ATAD3B: variants seen among roughly 807,000 people sequenced by gnomAD.
The protein encoded by ATAD3B is ATPase family AAA domain-containing protein 3B.
A neutral mutation model predicts 70.2 loss-of-function variants in ATAD3B; 59 were observed. That is an observed-to-expected ratio of 0.84 (90% confidence interval 0.68 to 1.04). The LOEUF (loss-of-function observed/expected upper bound fraction) is 1.04, where lower values mean the gene tolerates loss of function less well. Ranked by LOEUF, ATAD3B falls within the 50% of genes least tolerant of loss-of-function variation. ATAD3B has a pLI of 0.00. For synonymous variants in ATAD3B, 423 were observed against 388.6 expected, an observed-to-expected ratio of 1.09 and a Z score of -1.04; for missense variants, 961 against 913.4, an observed-to-expected ratio of 1.05 and a Z score of -0.67.
rs1191986722 is a variant in ATAD3B, at chr1:1,479,203, C to T, written c.444+95C>T. The T allele has an allele frequency of 1.8e-5, 25 of 1,423,032 alleles. 2 individuals carry two copies. In the Middle Eastern group the frequency reaches 1.7e-3, roughly 97 times the overall value. The allele number at this position is 1,423,032 out of a possible 1,614,324, so 88.2% of individuals were successfully genotyped here. A position where few individuals can be genotyped will look rare whatever the true frequency, so the allele number is the denominator to read the frequency against. ...TGGGTCAGAGGCCACGGGGCAAGAA[C>T]GATGGGGTTGCTGACGGTGGGTGCT... On this transcript the variant is annotated intron_variant, in intron 4 of 15. Coordinates refer to ENST00000673477, the MANE Select transcript of ATAD3B (RefSeq NM_031921.6).
chr1:1,495,377 T>C (rs1640729528), intron 15 of ATAD3B, 108 bp from the exon 16 acceptor site: 1 of 1,418,538 alleles, frequency 7.0e-7, no homozygotes, highest in African/African-American at 1.4e-5. Context: ...CACCCTGAGG[T>C]TGTCCTGGTG....
At chr1:1,486,347 T>C (rs138964794) in intron 10 of ATAD3B, 112 bp downstream of exon 10, 27,104 of 1,590,350 alleles carry the variant, frequency 0.017, 1,068 homozygotes, top group African/African-American at 0.13. Flanking sequence ...GGCCTTTGCC[T>C]ACCCTCGTGT....
chr1:1,489,604 A>C (rs1640420269), intron 13 of ATAD3B: 1 of 1,251,160 alleles, frequency 8.0e-7, no homozygotes, highest in African/African-American at 1.5e-5. Context: ...AGAGGTCCCC[A>C]GTAGGGTGAC....
downstream of ATAD3B, among the ~76,000 whole-genome samples, chr1:1,500,708 C>G (rs1170819972): frequency 1.3e-5 from 2 of 151,584 alleles, no homozygotes; most frequent in African/African-American, 4.9e-5. Context: ...AATCCCAGCA[C>G]TTTGGGAGGC....
chr1:1,504,869 C>T, the ATAD3B span, among the ~76,000 whole-genome samples: 2 of 152,134 alleles, frequency 1.3e-5, no homozygotes, highest in African/African-American at 4.8e-5. Context: ...TCATCCTGCA[C>T]TGCTCACAGT....
chr1:1,496,028 AGGGG>A lies in ATAD3B; in HGVS notation c.*215_*218del. 1 of 1,328,856 alleles carries A rather than the reference AGGGG, an allele frequency of 7.5e-7. No individual in the cohort carries two copies. The highest frequency in any genetic ancestry group is 9.6e-7 in the Non-Finnish European group (1 of 1,040,214). 82.3% of individuals were successfully genotyped at this position (1,328,856 alleles called of 1,614,324 possible). A position where few individuals can be genotyped will look rare whatever the true frequency, so the allele number is the denominator to read the frequency against. ...TCGGCTCCCACAGCAGAGCCAGGTG[AGGGG>A]GGGCCTGCCAGGACTAGACAGAAGT... On this transcript the variant is annotated 3_prime_UTR_variant, in exon 16 of 16. Transcript: ENST00000673477.
chr1:1,486,151 C>T lies in ATAD3B; in HGVS notation c.1005C>T (p.Thr335=), dbSNP rs819976. The T allele has an allele frequency of 3.7e-6, 6 of 1,612,820 alleles. No homozygotes were observed. Among genetic ancestry groups the T allele is most frequent in the South Asian group, 3.3e-5 (3 of 91,008 alleles). Reference sequence around the variant, plus strand: ...GGGTGCGCGACATCGCCATAGCAACCAGGAACACCAAGAAGAACCGGGGCC... The same window carrying T: ...GGGTGCGCGACATCGCCATAGCAACTAGGAACACCAAGAAGAACCGGGGCC... ...EARVRDIAIA[T]RNTKKNRGLY... is the part of the protein sequence containing the mutation. Residue 335 remains threonine, a synonymous_variant, in exon 10 of 16, where the codon ACC becomes ACT. Transcript: ENST00000673477.
intron 15 of ATAD3B, among the ~76,000 whole-genome samples, chr1:1,494,014 A>G (rs1431843367): frequency 1.3e-5 from 2 of 152,008 alleles, no homozygotes; most frequent in Non-Finnish European, 2.9e-5. Context: ...TTGTGAATTC[A>G]CATGTGAAGA....
rs528040472 is a variant in ATAD3B at position 1,497,674 on chromosome 1, G to A, written c.*1857G>A. ...GAGGTCAGGAGTTTGAGACCATCCT[G>A]GCTAACGTGGCAAAACCCCGTCTCT... On this transcript the variant is annotated 3_prime_UTR_variant, in exon 16 of 16. Transcript: ENST00000673477. 1.4e-4 allele frequency: 22 copies of A among 151,730 alleles called. No individual in the cohort carries two copies. Among genetic ancestry groups the A allele is most frequent in the Admixed American group, 1.1e-3 (17 of 15,218 alleles). 9.4% of individuals were successfully genotyped at this position (151,730 alleles called of 1,614,324 possible).
In ATAD3B at chr1:1,471,848, G is replaced by A; in HGVS notation, c.-37G>A. The A allele has an allele frequency of 7.9e-7, 1 of 1,269,748 alleles. No individual in the cohort carries two copies. 78.7% of individuals were successfully genotyped at this position (1,269,748 alleles called of 1,614,324 possible). A position where few individuals can be genotyped will look rare whatever the true frequency, so the allele number is the denominator to read the frequency against. Reference sequence around the variant, plus strand: ...CCGCGCCCGAGTCAGACTCGGGTGGGGGTCCCGGCGGCGGTAGCGGCGGCG... The same window carrying A: ...CCGCGCCCGAGTCAGACTCGGGTGGAGGTCCCGGCGGCGGTAGCGGCGGCG... On this transcript the variant is annotated 5_prime_UTR_variant, in exon 1 of 16. Coordinates refer to ENST00000673477, the MANE Select transcript of ATAD3B (RefSeq NM_031921.6).
intron 13 of ATAD3B, chr1:1,489,551 C>T (rs1455260735): frequency 2.6e-5 from 26 of 999,218 alleles, no homozygotes; most frequent in Non-Finnish European, 3.3e-5. Flanking sequence ...TAGATTTCTG[C>T]GGTCCTGTGC....
At chr1:1,486,911 G>A (rs1640250843) in intron 11 of ATAD3B, among the ~76,000 whole-genome samples, 1 of 150,956 alleles carries the variant, frequency 6.6e-6, no homozygotes, top group South Asian at 2.1e-4. Context: ...GCAGAAGGGA[G>A]GTGGGTGGGT....
chr1:1,489,135 G>A lies in ATAD3B; in HGVS notation c.1267-69G>A, dbSNP rs769889508. The A allele has an allele frequency of 1.4e-4, 224 of 1,608,260 alleles. 2 individuals are homozygous for A. Among genetic ancestry groups the A allele is most frequent in the Non-Finnish European group, 1.9e-4 (221 of 1,175,600 alleles). On this transcript the variant is annotated intron_variant, in intron 12 of 15. Transcript: ENST00000673477. ...GCTCCCTGCAGGAGGGAGGCCTGTGGGACTTTCTGCTCTGGCTGTTTACAA... is the reference window on the plus strand; with the variant it reads ...GCTCCCTGCAGGAGGGAGGCCTGTGAGACTTTCTGCTCTGGCTGTTTACAA...
the ATAD3B span, among the ~76,000 whole-genome samples, chr1:1,504,343 T>G: frequency 3.3e-5 from 5 of 152,054 alleles, no homozygotes; most frequent in East Asian, 9.8e-4. Flanking sequence ...TTGTGGGCAT[T>G]GTAGCTTAAA....
In ATAD3B at chr1:1,489,221, C is replaced by T; in HGVS notation, c.1284C>T (p.Asp428=). ...RKRATEEISK[D]LRATLNAFLY... ...CTCTGCAGGAGGAGATAAGCAAGGA[C>T]CTCAGAGCCACACTGAACGCCTTCC... is the stretch of plus-strand genomic sequence containing the variant. Residue 428 remains aspartate (D), a synonymous_variant, in exon 13 of 16, where the codon GAC becomes GAT. Transcript: ENST00000673477. 3 of 1,613,568 alleles carry T rather than the reference C, an allele frequency of 1.9e-6. No homozygotes were observed. The highest frequency in any genetic ancestry group is 2.5e-6 in the Non-Finnish European group (3 of 1,179,632).
chr1:1,492,080 G>A (rs867376045), intron 15 of ATAD3B, among the ~76,000 whole-genome samples: 2 of 152,104 alleles, frequency 1.3e-5, no homozygotes, highest in South Asian at 2.1e-4. Context: ...CAGCTGCTTG[G>A]GAGGCTGAGG....
chr1:1,495,527 AT>A lies in ATAD3B; in HGVS notation c.1658del (p.Met553ArgfsTer20). On this transcript the variant is annotated frameshift_variant, in exon 16 of 16. Transcript: ENST00000673477. LOFTEE classifies it low-confidence loss of function (END_TRUNC). ...ASKDGVLTEA[M>X]MDACVQDAVQ... ...CAAGGACGGGGTCCTCACTGAGGCC[AT>A]GATGGACGCCTGTGTGCAAGATGCT... 1 of 1,612,348 alleles carries A rather than the reference AT, an allele frequency of 6.2e-7. No homozygotes were observed. The highest frequency in any genetic ancestry group is 8.5e-7 in the Non-Finnish European group (1 of 1,178,814).
chr1:1,471,788 G>C lies in ATAD3B; in HGVS notation c.-97G>C. On this transcript the variant is annotated 5_prime_UTR_variant, in exon 1 of 16. Coordinates refer to ENST00000673477, the MANE Select transcript of ATAD3B (RefSeq NM_031921.6). ...GTGTTTCGCCTGCGCAGTGGTCCTGGCCACCGGCTCGCGGCGCGTGGAGGC... is the reference window on the plus strand; with the variant it reads ...GTGTTTCGCCTGCGCAGTGGTCCTGCCCACCGGCTCGCGGCGCGTGGAGGC... The C allele has an allele frequency of 8.2e-7, 1 of 1,221,842 alleles. No homozygotes were observed. Among genetic ancestry groups the C allele is most frequent in the Non-Finnish European group, 1.0e-6 (1 of 978,334 alleles). 75.7% of individuals were successfully genotyped at this position (1,221,842 alleles called of 1,614,324 possible). A position where few individuals can be genotyped will look rare whatever the true frequency, so the allele number is the denominator to read the frequency against.
At chr1:1,493,146 C>T (rs757406092) in intron 15 of ATAD3B, among the ~76,000 whole-genome samples, 22 of 151,814 alleles carry the variant, frequency 1.4e-4, no homozygotes, top group Admixed American at 2.0e-4. Context: ...TGGCTTGGCA[C>T]GGTGGCTCTT....
Sources: allele counts gnomAD v4.1 joint callset (sites outside exome capture counted in the v4.1 genomes callset), GRCh38; gene constraint gnomAD v4.1.1; transcripts MANE v1.5; gene names NCBI Gene and HGNC (gene_info 2026-07-23, HGNC 2026-07-21).